The following CSPP1 variants were observed in gnomAD, a reference collection of about 807,000 sequenced individuals.
The protein encoded by CSPP1 is centrosome and spindle pole-associated protein 1.
In CSPP1, 126 loss-of-function variants were observed where a neutral mutation model predicts 164.4. That is an observed-to-expected ratio of 0.77 (90% CI 0.66 to 0.89). CSPP1 has a LOEUF of 0.89. Among genes scored for constraint, CSPP1 ranks in the 40% least tolerant of loss-of-function variants. The pLI is 0.00. For missense variants in CSPP1, 1,395 were observed against 1,449.8 expected (o/e 0.96, Z 0.61); for synonymous variants, 472 against 476.7 (o/e 0.99, Z 0.13).
rs1391643032 is a variant in CSPP1, at chr8:67,105,917, T to C, written c.1035T>C (p.Asn345=). ...TTTTTTTCTTTAGTGCTCCAGACAA[T>C]GAAACATCCAAATCTGCTAATCAAG... ...SSAENKSAPD[N]ETSKSANQDT... The change falls in exon 9 of 31, where the codon AAT becomes AAC. Residue 345 remains asparagine (N), a synonymous_variant. Coordinates refer to ENST00000678616, the MANE Select transcript of CSPP1 (RefSeq NM_001382391.1). 2.5e-6 allele frequency: 4 copies of C among 1,575,238 alleles called. No homozygotes were observed. Among genetic ancestry groups the C allele is most frequent in the African/African-American group, 2.7e-5 (2 of 74,164 alleles).
intron 12 of CSPP1, among the ~76,000 whole-genome samples, chr8:67,115,672 A>G: frequency 6.6e-6 from 1 of 152,248 alleles, no homozygotes; most frequent in South Asian, 2.1e-4. Flanking sequence ...CTCTGCCTCA[A>G]AAATAAATAA....
intron 16 of CSPP1, chr8:67,134,887 C>T (rs946273516): frequency 2.0e-5 from 3 of 152,000 alleles, no homozygotes; most frequent in African/African-American, 7.2e-5. Flanking sequence ...CTTAAGGGCC[C>T]TAAGGTTTTC....
chr8:67,077,189 T>A (rs1808115147), intron 3 of CSPP1, among the ~76,000 whole-genome samples: 1 of 152,158 alleles, frequency 6.6e-6, no homozygotes, highest in Non-Finnish European at 1.5e-5. Flanking sequence ...TCTCTCTCTC[T>A]GTCACTCAGG....
chr8:67,185,115 A>C (rs1217493168), intron 28 of CSPP1, among the ~76,000 whole-genome samples: 3 of 149,968 alleles, frequency 2.0e-5, no homozygotes, highest in Admixed American at 6.6e-5. Flanking sequence ...AAAAAAAAAA[A>C]AACAAAAACA....
intron 7 of CSPP1, among the ~76,000 whole-genome samples, chr8:67,098,056 A>T (rs1393843028): frequency 1.3e-5 from 2 of 151,332 alleles, no homozygotes; most frequent in Non-Finnish European, 3.0e-5. Flanking sequence ...CCAGCAAAAA[A>T]AAAAAAAAGA....
intron 18 of CSPP1, 136 bp from the exon 19 acceptor site, chr8:67,153,888 C>T (rs1826170870): frequency 3.7e-6 from 2 of 541,624 alleles, no homozygotes; most frequent in Admixed American, 7.2e-5. Context: ...CTAATCTCAA[C>T]CTTCCCCTTC....
intron 17 of CSPP1, among the ~76,000 whole-genome samples, chr8:67,146,222 A>G (rs561664920): frequency 9.3e-4 from 141 of 151,564 alleles, no homozygotes; most frequent in African/African-American, 3.1e-3. Flanking sequence ...TCCCTGGCTA[A>G]AGTGATCTTC....
chr8:67,105,263 C>T (rs1188765100), intron 8 of CSPP1, among the ~76,000 whole-genome samples: 2 of 151,326 alleles, frequency 1.3e-5, no homozygotes, highest in Non-Finnish European at 2.9e-5. Flanking sequence ...AGACCTCAAG[C>T]GATCTGCCTG....
chr8:67,090,315 C>T (rs1251956268), intron 4 of CSPP1, among the ~76,000 whole-genome samples: 1 of 152,090 alleles, frequency 6.6e-6, no homozygotes, highest in Non-Finnish European at 1.5e-5. Flanking sequence ...GACAGATTCT[C>T]ACTCTGTCAC....
intron 16 of CSPP1, chr8:67,134,754 G>C (rs1467188767): frequency 6.6e-6 from 1 of 151,660 alleles, no homozygotes; most frequent in South Asian, 2.1e-4. Flanking sequence ...CAGTAGAGAC[G>C]GGGTTTCACC....
intron 29 of CSPP1, among the ~76,000 whole-genome samples, chr8:67,191,297 ACT>A (rs1836163428): frequency 6.6e-6 from 1 of 151,970 alleles, no homozygotes; most frequent in Non-Finnish European, 1.5e-5. Flanking sequence ...AATTTCTTAA[ACT>A]CTGTGTGTGT....
intron 21 of CSPP1, among the ~76,000 whole-genome samples, chr8:67,159,396 G>A (rs1323304484): frequency 2.0e-5 from 3 of 151,380 alleles, no homozygotes; most frequent in Non-Finnish European, 4.4e-5. Context: ...TGGTGTATGC[G>A]GTGCCACCCA....
chr8:67,086,807 T>C (rs1402098811), intron 4 of CSPP1: 1 of 1,347,790 alleles, frequency 7.4e-7, no homozygotes, highest in East Asian at 4.6e-5. Context: ...CAATGGTTTG[T>C]TTCCCTTGAC....
Position 67,115,983 on chromosome 8 carries a change from A to C in CSPP1, c.1357A>C (p.Arg453=). 1 of 1,614,044 alleles carries C rather than the reference A, an allele frequency of 6.2e-7. No individual in the cohort carries two copies. The highest frequency in any genetic ancestry group is 8.5e-7 in the Non-Finnish European group (1 of 1,179,956). ...AGAGATGATACCACCTGAAAGACCC[A>C]GAATAGCTTTCCAGACACCTCTCCC... The part of the protein sequence containing the change: ...FEEMIPPERP[R]IAFQTPLPPL... The change falls in exon 13 of 31, where the codon AGA becomes CGA. Residue 453 remains arginine, a synonymous_variant. Coordinates refer to ENST00000678616, the MANE Select transcript of CSPP1 (RefSeq NM_001382391.1).
chr8:67,110,685 C>T (rs1816672739), intron 9 of CSPP1, among the ~76,000 whole-genome samples: 1 of 152,100 alleles, frequency 6.6e-6, no homozygotes, highest in East Asian at 1.9e-4. Flanking sequence ...GTTTCCTGGC[C>T]CTCTTTGGGT....
rs1340675600 is a variant in CSPP1, at chr8:67,064,517, G to A, written c.-32G>A. ...CCTGAGTAAGAGTCAGCCAGCCGCGGATGGGGAGCGTGAGTGGCGAGGTGT... is the reference window on the plus strand; with the variant it reads ...CCTGAGTAAGAGTCAGCCAGCCGCGAATGGGGAGCGTGAGTGGCGAGGTGT... On this transcript the variant is annotated 5_prime_UTR_variant, in exon 1 of 31. Transcript: ENST00000678616. 6.2e-7 allele frequency: 1 copy of A among 1,612,558 alleles called. No individual in the cohort carries two copies. The highest frequency in any genetic ancestry group is 8.5e-7 in the Non-Finnish European group (1 of 1,179,554).
At chr8:67,155,223 C>A (rs1479499335) in intron 19 of CSPP1, among the ~76,000 whole-genome samples, 2 of 152,292 alleles carry the variant, frequency 1.3e-5, no homozygotes, top group Non-Finnish European at 2.9e-5. Flanking sequence ...CCTCCCTCCC[C>A]TTCACACTCA....
rs559426537 is a variant in CSPP1 at position 67,125,277 on chromosome 8, A to T, written c.1697+6456A>T. ...TATTGGTTGGCATTCTTTATCTTTTAACACAATATGGTATCCCCTAGCCTT... is the reference window on the plus strand; with the variant it reads ...TATTGGTTGGCATTCTTTATCTTTTTACACAATATGGTATCCCCTAGCCTT... On this transcript the variant is annotated intron_variant, in intron 15 of 30. Transcript: ENST00000678616. 1.1e-4 allele frequency among the ~76,000 whole-genome samples: 16 copies of T among 152,286 alleles called. 1 individual carries two copies. The South Asian group carries it at 1.2e-3, about 12-fold the overall frequency.
rs374169543 is a variant in CSPP1, at chr8:67,086,096, C to T, written c.289C>T (p.Arg97Cys). The T allele has an allele frequency of 1.3e-5, 18 of 1,377,778 alleles. No individual in the cohort carries two copies. The highest frequency in any genetic ancestry group is 9.3e-5 in the South Asian group (8 of 86,266). The allele number at this position is 1,377,778 out of a possible 1,614,324, so 85.3% of individuals were successfully genotyped here. Reference sequence around the variant, plus strand: ...AGAAGAATTGCGGCAAGATTACAGACGTTATCTTACTCAGGTAATGAGTTC... The same window carrying T: ...AGAAGAATTGCGGCAAGATTACAGATGTTATCTTACTCAGGTAATGAGTTC... ...LKEELRQDYR[R>C]YLTQKNFLST... Residue 97 changes from arginine (R) to cysteine (C), a missense_variant, in exon 4 of 31, where the codon CGT becomes TGT. Coordinates refer to ENST00000678616, the MANE Select transcript of CSPP1 (RefSeq NM_001382391.1).
Sources: gnomAD v4.1 joint callset for allele counts (sites outside exome capture counted in the v4.1 genomes callset) on GRCh38, gnomAD v4.1.1 for gene constraint, MANE v1.5 for transcripts, NCBI Gene and HGNC (gene_info 2026-07-23, HGNC 2026-07-21) for gene names.